GCSAML: variants seen among roughly 807,000 people sequenced by gnomAD.
GCSAML encodes germinal center-associated signaling and motility-like protein.
A neutral mutation model predicts 13.0 loss-of-function variants in GCSAML; 9 were observed. The observed-to-expected ratio is 0.69, with a 90% CI of 0.42 to 1.21. The LOEUF (loss-of-function observed/expected upper bound fraction) is 1.21. Ranked by LOEUF, GCSAML falls within the 50% of genes most tolerant of loss-of-function variation. The probability of loss-of-function intolerance (pLI) is 0.00; values close to 1 mark genes in which losing one functional copy is unlikely to be tolerated. For missense variants in GCSAML, 143 were observed against 153.4 expected (o/e 0.93, Z 0.36); for synonymous variants, 37 against 52.9 (o/e 0.70, Z 1.31).
intron 1 of GCSAML, among the ~76,000 whole-genome samples, chr1:247,518,204 T>G (rs1336847767): frequency 5.9e-5 from 9 of 152,186 alleles, no homozygotes; most frequent in African/African-American, 2.2e-4. Flanking sequence ...GAGCTGCCAT[T>G]CCGCCCTGAC....
chr1:247,546,564 T>G (rs1360782217), upstream of GCSAML, among the ~76,000 whole-genome samples: 1 of 151,908 alleles, frequency 6.6e-6, no homozygotes, highest in Non-Finnish European at 1.5e-5. Flanking sequence ...GGTTTCACTG[T>G]GTTAGCCAGG....
At chr1:247,510,679 C>T (rs1044623162) in intron 1 of GCSAML, among the ~76,000 whole-genome samples, 2 of 152,118 alleles carry the variant, frequency 1.3e-5, no homozygotes, top group Non-Finnish European at 2.9e-5. Context: ...AGTTGTGTCC[C>T]AGAGATTCTG....
intron 2 of GCSAML, among the ~76,000 whole-genome samples, chr1:247,535,526 A>G (rs1667185555): frequency 6.6e-6 from 1 of 152,164 alleles, no homozygotes; most frequent in Non-Finnish European, 1.5e-5. Flanking sequence ...CTGCATTATG[A>G]CCCGTGGGTG....
upstream of GCSAML, among the ~76,000 whole-genome samples, chr1:247,546,553 G>A (rs1041432530): frequency 6.1e-4 from 93 of 151,842 alleles, 1 homozygote; most frequent in Non-Finnish European, 2.8e-4. Context: ...AGTGGAGACA[G>A]GGTTTCACTG....
At chr1:247,553,407 T>C (rs965897985) in intron 1 of GCSAML, among the ~76,000 whole-genome samples, 10 of 152,244 alleles carry the variant, frequency 6.6e-5, no homozygotes, top group African/African-American at 1.9e-4. Flanking sequence ...ACAAGTCTTA[T>C]AGGTACCTTT....
At chr1:247,517,825 C>G (rs1467233062) in intron 1 of GCSAML, among the ~76,000 whole-genome samples, 3 of 152,206 alleles carry the variant, frequency 2.0e-5, no homozygotes, top group South Asian at 2.1e-4. Flanking sequence ...TCACTGCAGC[C>G]TGTGAACCTC....
intron 4 of GCSAML, among the ~76,000 whole-genome samples, chr1:247,571,067 A>G (rs756252066): frequency 6.6e-6 from 1 of 151,932 alleles, no homozygotes; most frequent in Non-Finnish European, 1.5e-5. Flanking sequence ...ATCTTCCTCC[A>G]TCCCTTTATT....
At chr1:247,556,367 C>T (rs747575241) in intron 1 of GCSAML, 40 bp from the exon 2 acceptor site, 2 of 1,390,694 alleles carry the variant, frequency 1.4e-6, no homozygotes, top group Non-Finnish European at 2.0e-6. Context: ...ATGTGGAGGG[C>T]AGTAACAATC....
rs556824402 is a variant in GCSAML, at chr1:247,550,462, T to C, written c.29+1242T>C. Among the ~76,000 whole-genome samples the C allele has an allele frequency of 1.5e-3, 230 of 152,054 alleles. 1 individual carries two copies. Among genetic ancestry groups the C allele is most frequent in the Middle Eastern group, 0.01 (3 of 294 alleles). On this transcript the variant is annotated intron_variant, in intron 1 of 4. Coordinates refer to ENST00000366488, the MANE Select transcript of GCSAML (RefSeq NM_145278.5). ...ACCATTCTGGCTAACACGGTGAAAC[T>C]CCGTCTCTACTAAAAATACAAACAA... is the stretch of plus-strand genomic sequence containing the variant.
At chr1:247,540,050 G>T (rs1047224216) in intron 2 of GCSAML, among the ~76,000 whole-genome samples, 2 of 152,060 alleles carry the variant, frequency 1.3e-5, no homozygotes, top group Non-Finnish European at 2.9e-5. Context: ...AGCTCTGCTG[G>T]TTCCTCTGCC....
At chr1:247,524,733 C>T (rs1195485261) in intron 1 of GCSAML, 1 of 150,714 alleles carries the variant, frequency 6.6e-6, no homozygotes, top group Admixed American at 6.6e-5. Context: ...ACTTTTGTAC[C>T]ACAAAGGAAA....
intron 1 of GCSAML, chr1:247,518,563 G>A (rs566452900): frequency 3.5e-4 from 54 of 152,468 alleles, no homozygotes; most frequent in Admixed American, 3.1e-3. Context: ...CCCTGGGGAA[G>A]GCTCTCGGGA....
intron 1 of GCSAML, among the ~76,000 whole-genome samples, chr1:247,551,375 A>G (rs1264559056): frequency 1.3e-5 from 2 of 152,242 alleles, no homozygotes; most frequent in Non-Finnish European, 2.9e-5. Flanking sequence ...TATTGTTCAG[A>G]GATGACTCCA....
intron 2 of GCSAML, among the ~76,000 whole-genome samples, chr1:247,540,175 G>A (rs1667363767): frequency 6.6e-6 from 1 of 152,182 alleles, no homozygotes; most frequent in Non-Finnish European, 1.5e-5. Context: ...GGGATTACAG[G>A]CATGTGCTAC....
At chr1:247,549,617 T>C (rs1361469794) in intron 1 of GCSAML, among the ~76,000 whole-genome samples, 1 of 152,194 alleles carries the variant, frequency 6.6e-6, no homozygotes, top group Non-Finnish European at 1.5e-5. Flanking sequence ...CCCTACACAA[T>C]TGTCACTTGA....
rs528275350 is a variant in GCSAML, at chr1:247,563,128, A to G, written c.90-462A>G. ...CTCCCAAAGTGCTGGGATCACAGGC[A>G]TAAGCCATCCCACCCGGCCACCACA... On this transcript the variant is annotated intron_variant, in intron 2 of 4. Coordinates refer to ENST00000366488, the MANE Select transcript of GCSAML (RefSeq NM_145278.5). Among the ~76,000 whole-genome samples the G allele has an allele frequency of 6.2e-4, 94 of 151,982 alleles. 1 individual carries two copies. Among genetic ancestry groups the G allele is most frequent in the South Asian group, 2.1e-3 (10 of 4,798 alleles).
At chr1:247,569,233 C>T (rs1196700696) in intron 4 of GCSAML, among the ~76,000 whole-genome samples, 1 of 152,142 alleles carries the variant, frequency 6.6e-6, no homozygotes, top group African/African-American at 2.4e-5. Flanking sequence ...TCAGAACTCC[C>T]AATACTATGT....
intron 4 of GCSAML, among the ~76,000 whole-genome samples, chr1:247,571,632 A>AT (rs1668616646): frequency 6.6e-6 from 1 of 151,816 alleles, no homozygotes; most frequent in Admixed American, 6.6e-5. Context: ...TGTCCTTAAC[A>AT]TTTTTTCCTT....
chr1:247,569,161 T>C (rs975049802), intron 4 of GCSAML, among the ~76,000 whole-genome samples: 3 of 152,190 alleles, frequency 2.0e-5, no homozygotes, highest in Non-Finnish European at 2.9e-5. Flanking sequence ...ACAGAGACAA[T>C]GTGACTTTTT....
Sources: allele counts gnomAD v4.1 joint callset (sites outside exome capture counted in the v4.1 genomes callset), GRCh38; gene constraint gnomAD v4.1.1; transcripts MANE v1.5; gene names NCBI Gene and HGNC (gene_info 2026-07-23, HGNC 2026-07-21).